The following NHSL1 variants were observed in gnomAD, a reference collection of about 807,000 sequenced individuals.
NHSL1 encodes NHS-like protein 1.
In NHSL1, 48 loss-of-function variants were observed where a neutral mutation model predicts 95.0. That is an observed-to-expected ratio of 0.51 (90% CI 0.40 to 0.64). The LOEUF (loss-of-function observed/expected upper bound fraction) is 0.64. NHSL1 is among the 30% of genes least tolerant of loss of function. NHSL1 has a pLI of 0.00. For missense variants in NHSL1, 1,971 were observed against 2,077.7 expected, an observed-to-expected ratio of 0.95 and a Z score of 1.00; for synonymous variants, 783 against 833.9, an observed-to-expected ratio of 0.94 and a Z score of 1.05.
chr6:138,668,626 C>CTTTTT (rs1231203513), intron 1 of NHSL1, among the ~76,000 whole-genome samples: 1 of 130,438 alleles, frequency 7.7e-6, no homozygotes, highest in African/African-American at 2.8e-5. Flanking sequence ...ATTTTTTTTT[C>CTTTTT]TTTTTTTTTT....
chr6:138,673,828 G>A (rs529838413), intron 1 of NHSL1, among the ~76,000 whole-genome samples: 2 of 152,148 alleles, frequency 1.3e-5, no homozygotes, highest in Non-Finnish European at 2.9e-5. Flanking sequence ...TTAAAAACAT[G>A]TACTTTACCA....
intron 1 of NHSL1, among the ~76,000 whole-genome samples, chr6:138,523,626 G>GGAAAAAAAA (rs1781774110): frequency 2.3e-5 from 1 of 43,126 alleles, no homozygotes; most frequent in Non-Finnish European, 5.0e-5. Context: ...GTTTTAAAGA[G>GGAAAAAAAA]GAAAAAAAAA....
chr6:138,510,761 T>C (rs971223244), intron 1 of NHSL1, among the ~76,000 whole-genome samples: 1 of 152,202 alleles, frequency 6.6e-6, no homozygotes, highest in Non-Finnish European at 1.5e-5. Context: ...CAATTCATAT[T>C]GAAAAGACCA....
intron 1 of NHSL1, among the ~76,000 whole-genome samples, chr6:138,612,446 G>A (rs1470210893): frequency 6.6e-6 from 1 of 152,168 alleles, no homozygotes; most frequent in African/African-American, 2.4e-5. Flanking sequence ...GTACCAGTAT[G>A]TAATAACCTT....
At chr6:138,547,735 TG>T (rs770187341), upstream of NHSL1, among the ~76,000 whole-genome samples, 6 of 152,148 alleles carry the variant, frequency 3.9e-5, no homozygotes, top group Non-Finnish European at 5.9e-5. Flanking sequence ...TCATTTCATT[TG>T]TGTAAACCAT....
At chr6:138,508,584 G>C (rs2128298016) in intron 1 of NHSL1, among the ~76,000 whole-genome samples, 1 of 152,258 alleles carries the variant, frequency 6.6e-6, no homozygotes, top group Non-Finnish European at 1.5e-5. Flanking sequence ...TGTGCTACTT[G>C]CTGCCTTCAG....
At chr6:138,606,298 C>A (rs1417187011) in intron 1 of NHSL1, among the ~76,000 whole-genome samples, 1 of 152,148 alleles carries the variant, frequency 6.6e-6, no homozygotes, top group African/African-American at 2.4e-5. Flanking sequence ...TTTCCATCTG[C>A]GATAGAGTAT....
upstream of NHSL1, among the ~76,000 whole-genome samples, chr6:138,548,263 C>T (rs1314946163): frequency 3.9e-5 from 6 of 152,282 alleles, no homozygotes; most frequent in Non-Finnish European, 8.8e-5. Flanking sequence ...GGATTACAGG[C>T]GTGAGCCACT....
intron 1 of NHSL1, among the ~76,000 whole-genome samples, chr6:138,644,759 A>G (rs1213844296): frequency 6.6e-6 from 1 of 152,204 alleles, no homozygotes; most frequent in African/African-American, 2.4e-5. Flanking sequence ...TTTCTTAATA[A>G]AAGTTTCAAC....
chr6:138,574,213 G>A (rs187480393), upstream of NHSL1, among the ~76,000 whole-genome samples: 3 of 152,312 alleles, frequency 2.0e-5, no homozygotes, highest in Admixed American at 2.0e-4. Flanking sequence ...TTACAGGCGT[G>A]AGCCACCGCA....
At chr6:138,583,679 TTCA>T (rs1305080363) in intron 1 of NHSL1, among the ~76,000 whole-genome samples, 2 of 152,182 alleles carry the variant, frequency 1.3e-5, no homozygotes, top group East Asian at 3.9e-4. Context: ...TCATATGCTG[TTCA>T]TCGTCATGTT....
chr6:138,615,270 T>C (rs1784563817), intron 1 of NHSL1, among the ~76,000 whole-genome samples: 1 of 152,226 alleles, frequency 6.6e-6, no homozygotes, highest in Non-Finnish European at 1.5e-5. Flanking sequence ...CAAGGCACTC[T>C]TATCATATGT....
intron 1 of NHSL1, among the ~76,000 whole-genome samples, chr6:138,658,243 T>C (rs1014414104): frequency 3.3e-5 from 5 of 152,202 alleles, no homozygotes; most frequent in African/African-American, 1.2e-4. Flanking sequence ...TCTTAACAAA[T>C]TTCATACATT....
chr6:138,630,531 G>A (rs570135800), intron 1 of NHSL1, among the ~76,000 whole-genome samples: 45 of 152,032 alleles, frequency 3.0e-4, no homozygotes, highest in African/African-American at 8.0e-4. Context: ...GATTAAAGGC[G>A]TGCGCCACCA....
chr6:138,650,889 AC>A, intron 1 of NHSL1: 1 of 540,830 alleles, frequency 1.8e-6, no homozygotes, highest in Non-Finnish European at 3.8e-6. Flanking sequence ...GGGCCTTGGA[AC>A]AGCCCTATCT....
chr6:138,471,431 G>A (rs762624844), intron 3 of NHSL1, among the ~76,000 whole-genome samples: 20 of 152,076 alleles, frequency 1.3e-4, no homozygotes, highest in South Asian at 2.1e-4. Context: ...ATGCCAACAA[G>A]AGAAAAATAA....
At chr6:138,475,501 T>C (rs1484326395) in intron 2 of NHSL1, among the ~76,000 whole-genome samples, 1 of 152,190 alleles carries the variant, frequency 6.6e-6, no homozygotes, top group Non-Finnish European at 1.5e-5. Context: ...GTACTGGGAT[T>C]ATAGCCGTGA....
chr6:138,437,362 A>AT (rs1776209492), intron 5 of NHSL1, among the ~76,000 whole-genome samples: 1 of 70,722 alleles, frequency 1.4e-5, no homozygotes, highest in Non-Finnish European at 2.6e-5. Context: ...ATATACACAT[A>AT]TATATATATA....
intron 1 of NHSL1, among the ~76,000 whole-genome samples, chr6:138,561,195 A>G (rs188930461): frequency 6.6e-6 from 1 of 152,348 alleles, no homozygotes; most frequent in Non-Finnish European, 1.5e-5. Flanking sequence ...AACCTACAAT[A>G]CTACAAGTGT....
Sources: allele counts gnomAD v4.1 joint callset (sites outside exome capture counted in the v4.1 genomes callset), GRCh38; gene constraint gnomAD v4.1.1; transcripts MANE v1.5; gene names NCBI Gene and HGNC (gene_info 2026-07-23, HGNC 2026-07-21).